The following CADPS2 variants were observed in gnomAD, a reference collection of about 807,000 sequenced individuals.
The protein encoded by CADPS2 is calcium-dependent secretion activator 2.
Under a neutral mutation model 172.5 loss-of-function variants are expected in CADPS2, and 93 were observed. The ratio of observed to expected loss-of-function variants is 0.54; its 90% CI spans 0.46 to 0.64. The LOEUF (loss-of-function observed/expected upper bound fraction) is 0.64, where lower values mean the gene tolerates loss of function less well. CADPS2 is among the 30% of genes least tolerant of loss of function. CADPS2 has a pLI of 0.00. For synonymous variants in CADPS2, 546 were observed against 555.2 expected, an observed-to-expected ratio of 0.98 and a Z score of 0.23; for missense variants, 1,420 against 1,565.9, an observed-to-expected ratio of 0.91 and a Z score of 1.57.
rs927105612 is a variant in CADPS2 at position 122,720,100 on chromosome 7, T to A, written c.453+16855A>T. On this transcript the variant is annotated intron_variant, in intron 2 of 29. Transcript: ENST00000449022. ...ATTTCAATACCAAATAATCAGTGGA[T>A]ACTTGAAAGGTGACTGAGTAGAAGT... Among the ~76,000 whole-genome samples the A allele has an allele frequency of 1.1e-3, 168 of 152,098 alleles. 2 individuals are homozygous for A. The highest frequency in any genetic ancestry group is 1.3e-4 in the Non-Finnish European group (9 of 68,000).
chr7:122,707,426 G>C (rs2087761650), intron 2 of CADPS2, among the ~76,000 whole-genome samples: 1 of 151,934 alleles, frequency 6.6e-6, no homozygotes, highest in Admixed American at 6.6e-5. Flanking sequence ...CTATGGGTAA[G>C]AGTGCTCACA....
chr7:122,537,521 A>T (rs959575811), intron 8 of CADPS2, among the ~76,000 whole-genome samples: 1 of 151,872 alleles, frequency 6.6e-6, no homozygotes, highest in Non-Finnish European at 1.5e-5. Context: ...CAAAAGAATT[A>T]GAAAAAAAAC....
intron 25 of CADPS2, among the ~76,000 whole-genome samples, chr7:122,374,851 T>A (rs1435929836): frequency 6.6e-6 from 1 of 152,126 alleles, no homozygotes; most frequent in Admixed American, 6.6e-5. Context: ...TGCACATGTA[T>A]CCCAGAACTT....
chr7:122,710,604 G>A (rs1350038297), intron 2 of CADPS2, among the ~76,000 whole-genome samples: 1 of 152,004 alleles, frequency 6.6e-6, no homozygotes, highest in Non-Finnish European at 1.5e-5. Context: ...GCTTAGCTTG[G>A]TAGGTATTCA....
chr7:122,531,380 C>CTAG (rs1360647104), intron 8 of CADPS2, among the ~76,000 whole-genome samples: 2 of 151,912 alleles, frequency 1.3e-5, no homozygotes, highest in Admixed American at 1.3e-4. Flanking sequence ...GCCTCACAGT[C>CTAG]TAGTCATCTA....
At chr7:122,668,857 T>G (rs1168330379) in intron 2 of CADPS2, among the ~76,000 whole-genome samples, 1 of 152,200 alleles carries the variant, frequency 6.6e-6, no homozygotes, top group Non-Finnish European at 1.5e-5. Flanking sequence ...ACCACTTTAT[T>G]CATCTGCCTT....
chr7:122,634,563 T>C (rs2076880999), intron 3 of CADPS2, among the ~76,000 whole-genome samples: 1 of 152,186 alleles, frequency 6.6e-6, no homozygotes, highest in Non-Finnish European at 1.5e-5. Context: ...TATCCTTCTT[T>C]GTTAATCTAG....
chr7:122,590,521 T>C (rs1316251522), intron 6 of CADPS2, among the ~76,000 whole-genome samples: 1 of 151,918 alleles, frequency 6.6e-6, no homozygotes, highest in East Asian at 1.9e-4. Context: ...ATCACTCTTC[T>C]AATGATGGAC....
chr7:122,554,632 C>A lies in CADPS2; in HGVS notation c.1393G>T (p.Val465Phe). The A allele has an allele frequency of 6.2e-7, 1 of 1,611,604 alleles. No individual in the cohort carries two copies. Among genetic ancestry groups the A allele is most frequent in the East Asian group, 2.2e-5 (1 of 44,672 alleles). ...TCAGAATCCTGGCTATTTTTTGGAA[C>A]TACCATTCGGTGTAATTCAGCTGAT... is the stretch of plus-strand genomic sequence containing the variant. The part of the protein sequence containing the change: ...SKSAELHRMV[V>F]PKNSQDSDLK... The change falls in exon 8 of 30, where the codon GTT (valine) becomes TTT (phenylalanine). Residue 465 changes from valine (V) to phenylalanine (F), a missense_variant. By Grantham distance (50) the Val-to-Phe change is conservative (BLOSUM62 -1). Transcript: ENST00000449022.
At position 122,428,608 on chromosome 7, in the gene CADPS2, C is replaced by T. The variant is rs190110158; in HGVS notation, c.2476+9733G>A. 5.5e-3 allele frequency among the ~76,000 whole-genome samples: 836 copies of T among 151,996 alleles called. 8 individuals are homozygous for T. The highest frequency in any genetic ancestry group is 8.8e-3 in the Non-Finnish European group (595 of 67,974). ...TCAGCCTCCCGAGTAGCTGGGACTA[C>T]AGCCATGCACCACTATGCCTGGCTA... is the stretch of plus-strand genomic sequence containing the variant. On this transcript the variant is annotated intron_variant, in intron 17 of 29. Transcript: ENST00000449022.
intron 5 of CADPS2, among the ~76,000 whole-genome samples, chr7:122,618,061 A>G (rs2075153443): frequency 6.6e-6 from 1 of 151,634 alleles, no homozygotes; most frequent in Admixed American, 6.6e-5. Flanking sequence ...AAAAAAATCA[A>G]CTATATTCAT....
chr7:122,475,021 C>T (rs930542605), intron 12 of CADPS2, among the ~76,000 whole-genome samples: 1 of 152,116 alleles, frequency 6.6e-6, no homozygotes, highest in Non-Finnish European at 1.5e-5. Flanking sequence ...GCAATGAGCG[C>T]TCTCAAGCTT....
chr7:122,716,497 A>T, intron 2 of CADPS2, among the ~76,000 whole-genome samples: 1 of 152,090 alleles, frequency 6.6e-6, no homozygotes. Context: ...AGCTCCACAC[A>T]GAAAGGAACA....
At chr7:122,554,286 T>C (rs375719114) in intron 8 of CADPS2, among the ~76,000 whole-genome samples, 41 of 152,288 alleles carry the variant, frequency 2.7e-4, no homozygotes, top group African/African-American at 9.1e-4. Context: ...CCTGTATCAA[T>C]ATGACTGATG....
At chr7:122,763,433 T>C (rs2093452918) in intron 1 of CADPS2, among the ~76,000 whole-genome samples, 1 of 152,160 alleles carries the variant, frequency 6.6e-6, no homozygotes, top group Non-Finnish European at 1.5e-5. Flanking sequence ...ATATGAATAT[T>C]ATTTAGAAAT....
chr7:122,824,873 A>G (rs1804435287), intron 1 of CADPS2, among the ~76,000 whole-genome samples: 1 of 152,194 alleles, frequency 6.6e-6, no homozygotes, highest in African/African-American at 2.4e-5. Flanking sequence ...ATCTAGTTTT[A>G]TCTTTCTCCA....
At chr7:122,570,430 T>C (rs1173601077) in intron 7 of CADPS2, among the ~76,000 whole-genome samples, 1 of 147,856 alleles carries the variant, frequency 6.8e-6, no homozygotes, top group Non-Finnish European at 1.5e-5. Flanking sequence ...TTTACACTGT[T>C]GGTGGGACTG....
At chr7:122,368,991 G>A (rs1456645967) in intron 25 of CADPS2, among the ~76,000 whole-genome samples, 1 of 152,006 alleles carries the variant, frequency 6.6e-6, no homozygotes, top group Non-Finnish European at 1.5e-5. Flanking sequence ...CCCACACTTC[G>A]GTTGGTTTAA....
chr7:122,380,028 G>C (rs1016136157), intron 24 of CADPS2, among the ~76,000 whole-genome samples: 10 of 151,918 alleles, frequency 6.6e-5, no homozygotes, highest in Admixed American at 5.9e-4. Flanking sequence ...CAAATTAATA[G>C]GCCATAAAAG....
Sources: allele counts gnomAD v4.1 joint callset (sites outside exome capture counted in the v4.1 genomes callset), GRCh38; gene constraint gnomAD v4.1.1; transcripts MANE v1.5; gene names NCBI Gene and HGNC (gene_info 2026-07-23, HGNC 2026-07-21).